PAX7: variants seen among roughly 807,000 people sequenced by gnomAD.
PAX7 encodes the protein paired box protein Pax-7.
Under a neutral mutation model 50.7 loss-of-function variants are expected in PAX7, and 18 were observed. The ratio of observed to expected loss-of-function variants is 0.36; its 90% CI spans 0.25 to 0.53. The LOEUF (loss-of-function observed/expected upper bound fraction) is 0.53. Among genes scored for constraint, PAX7 ranks in the 20% least tolerant of loss-of-function variants. PAX7 has a pLI of 0.93. For missense variants in PAX7, 644 were observed against 702.9 expected (o/e 0.92, Z 0.95); for synonymous variants, 310 against 290.4 (o/e 1.07, Z -0.69).
chr1:18,631,624 G>T lies in PAX7; in HGVS notation c.21G>T (p.Thr7=), dbSNP rs144835222. 153 of 1,612,696 alleles carry T rather than the reference G, an allele frequency of 9.5e-5. No individual in the cohort carries two copies. The highest frequency in any genetic ancestry group is 7.4e-4 in the South Asian group (67 of 90,656). ...CAAGAATGGCGGCCCTTCCCGGCAC[G>T]GTACCGAGAATGATGCGGCCGGCTC... is the stretch of plus-strand genomic sequence containing the variant. MAALPG[T]VPRMMRPAPG... Residue 7 remains threonine (T), a synonymous_variant, in exon 1 of 9, where the codon ACG becomes ACT. Coordinates refer to ENST00000420770, the MANE Select transcript of PAX7 (RefSeq NM_001135254.2).
chr1:18,731,714 G>A (rs1233329578), intron 7 of PAX7, among the ~76,000 whole-genome samples: 1 of 152,096 alleles, frequency 6.6e-6, no homozygotes, highest in Non-Finnish European at 1.5e-5. Flanking sequence ...CAGGGGCTCT[G>A]GGAGAGAGTA....
At chr1:18,714,460 G>T (rs932601286) in intron 7 of PAX7, among the ~76,000 whole-genome samples, 1 of 151,984 alleles carries the variant, frequency 6.6e-6, no homozygotes, top group Non-Finnish European at 1.5e-5. Context: ...GCTTCTCCTC[G>T]CCCTGAACAG....
intron 7 of PAX7, among the ~76,000 whole-genome samples, chr1:18,711,265 G>A (rs2089347926): frequency 6.6e-6 from 1 of 152,136 alleles, no homozygotes; most frequent in Non-Finnish European, 1.5e-5. Context: ...CGGAAAACAG[G>A]GGTAATCATT....
intron 4 of PAX7, among the ~76,000 whole-genome samples, chr1:18,684,698 C>T (rs747040550): frequency 2.1e-4 from 32 of 152,234 alleles, no homozygotes; most frequent in Non-Finnish European, 4.0e-4. Context: ...CAGCTCTGCC[C>T]GAATTACTTG....
At chr1:18,707,027 T>A (rs1326058446) in intron 7 of PAX7, among the ~76,000 whole-genome samples, 1 of 152,244 alleles carries the variant, frequency 6.6e-6, no homozygotes, top group Non-Finnish European at 1.5e-5. Flanking sequence ...AAAAGCCATT[T>A]ACTCATCTCA....
intron 4 of PAX7, among the ~76,000 whole-genome samples, chr1:18,691,363 G>A (rs2089067163): frequency 6.6e-6 from 1 of 152,164 alleles, no homozygotes; most frequent in Admixed American, 6.5e-5. Flanking sequence ...CAGCTCTACG[G>A]ATTTTGTCAA....
intron 7 of PAX7, among the ~76,000 whole-genome samples, chr1:18,705,104 C>T (rs1349029708): frequency 6.6e-6 from 1 of 152,198 alleles, no homozygotes; most frequent in Admixed American, 6.5e-5. Context: ...ACCTTGTCAG[C>T]CCCTGCACTA....
intron 4 of PAX7, among the ~76,000 whole-genome samples, chr1:18,667,436 A>AAGGAAGGG (rs2088686290): frequency 2.6e-5 from 4 of 151,304 alleles, no homozygotes; most frequent in Admixed American, 1.3e-4. Flanking sequence ...GGAAGGAAGG[A>AAGGAAGGG]AGGAAGGAAG....
At chr1:18,743,620 G>A (rs2100419755) in intron 8 of PAX7, among the ~76,000 whole-genome samples, 1 of 152,376 alleles carries the variant, frequency 6.6e-6, no homozygotes, top group South Asian at 2.1e-4. Flanking sequence ...AGCTTGGGAG[G>A]CAGCATCTCT....
At chr1:18,696,170 A>G (rs2089147846) in intron 5 of PAX7, among the ~76,000 whole-genome samples, 1 of 150,158 alleles carries the variant, frequency 6.7e-6, no homozygotes, top group African/African-American at 2.5e-5. Flanking sequence ...GTTTCAAACG[A>G]TTCTCCTGCC....
chr1:18,729,863 A>G (rs1046525263), intron 7 of PAX7, among the ~76,000 whole-genome samples: 1 of 152,152 alleles, frequency 6.6e-6, no homozygotes, highest in East Asian at 1.9e-4. Flanking sequence ...TGGGGACAGA[A>G]CAGTTCTAAG....
At position 18,748,241 on chromosome 1, in the gene PAX7, G is replaced by A. The variant is rs1931527915; in HGVS notation, c.*3312G>A. 4.4e-6 allele frequency: 1 copy of A among 226,718 alleles called. No homozygotes were observed. Among genetic ancestry groups the A allele is most frequent in the African/African-American group, 2.2e-5 (1 of 44,948 alleles). The allele number at this position is 226,718 out of a possible 1,614,324, so 14.0% of individuals were successfully genotyped here. A position where few individuals can be genotyped will look rare whatever the true frequency, so the allele number is the denominator to read the frequency against. Reference sequence around the variant, plus strand: ...AGAGTTTGACCACTGCCAGAATCCAGTGTTTCAAGATGGAGTTGGTGAAGC... The same window carrying A: ...AGAGTTTGACCACTGCCAGAATCCAATGTTTCAAGATGGAGTTGGTGAAGC... On this transcript the variant is annotated 3_prime_UTR_variant, in exon 9 of 9. Coordinates refer to ENST00000420770, the MANE Select transcript of PAX7 (RefSeq NM_001135254.2).
At chr1:18,680,739 C>A (rs2088887458) in intron 4 of PAX7, among the ~76,000 whole-genome samples, 3 of 152,196 alleles carry the variant, frequency 2.0e-5, no homozygotes, top group African/African-American at 7.2e-5. Flanking sequence ...CTCTGCCCAG[C>A]ACAATCGTTG....
intron 1 of PAX7, among the ~76,000 whole-genome samples, chr1:18,633,466 G>A (rs924669661): frequency 1.3e-5 from 2 of 152,224 alleles, no homozygotes; most frequent in African/African-American, 2.4e-5. Context: ...CCCACCCGGG[G>A]GGACTGTGTC....
At chr1:18,670,093 A>AAG (rs1300305517) in intron 4 of PAX7, among the ~76,000 whole-genome samples, 1 of 151,366 alleles carries the variant, frequency 6.6e-6, no homozygotes, top group African/African-American at 2.4e-5. Flanking sequence ...AAAAAAAAAA[A>AAG]AAAAAAAAAG....
At position 18,643,104 on chromosome 1, in the gene PAX7, G is replaced by A. The variant is rs373581429; in HGVS notation, c.586+6733G>A. Among the ~76,000 whole-genome samples the A allele has an allele frequency of 1.4e-4, 21 of 152,318 alleles. 1 individual carries two copies. The East Asian group carries it at 4.1e-3, about 29-fold the overall frequency. The stretch of plus-strand genomic sequence containing the variant: ...GGAGGGGTGAAGGGAAGTTGTGTGC[G>A]CCCCAAGTCCAGCTCAAAAGAGGCC... On this transcript the variant is annotated intron_variant, in intron 4 of 8. Transcript: ENST00000420770.
intron 4 of PAX7, among the ~76,000 whole-genome samples, chr1:18,637,837 G>A (rs1437867304): frequency 1.3e-5 from 2 of 152,254 alleles, no homozygotes; most frequent in Non-Finnish European, 2.9e-5. Context: ...AAGGGCGAGG[G>A]AAGAAAGGGA....
chr1:18,633,667 A>G (rs2088096228), intron 1 of PAX7, among the ~76,000 whole-genome samples: 1 of 152,248 alleles, frequency 6.6e-6, no homozygotes, highest in Non-Finnish European at 1.5e-5. Context: ...TGGAGGCAGC[A>G]GCCAACAGCA....
rs1259498879 is a variant in PAX7 at position 18,636,070 on chromosome 1, G to C, written c.452-167G>C. On this transcript the variant is annotated intron_variant, in intron 3 of 8. Coordinates refer to ENST00000420770, the MANE Select transcript of PAX7 (RefSeq NM_001135254.2). The surrounding 1 kb of genome is among the most constrained non-coding windows in gnomAD (Gnocchi z 5.1). ...AGTCAGGCTTCTCCAAGTGGATGCTGGTTATGGAGTACGTGTCAATGCCTA... is the reference window on the plus strand; with the variant it reads ...AGTCAGGCTTCTCCAAGTGGATGCTCGTTATGGAGTACGTGTCAATGCCTA... 6.6e-6 allele frequency among the ~76,000 whole-genome samples: 1 copy of C among 152,172 alleles called. No individual in the cohort carries two copies. Among genetic ancestry groups the C allele is most frequent in the African/African-American group, 2.4e-5 (1 of 41,434 alleles).
Sources: gnomAD v4.1 joint callset for allele counts (sites outside exome capture counted in the v4.1 genomes callset) on GRCh38, gnomAD v4.1.1 for gene constraint, Gnocchi (gnomAD v3.1) non-coding constraint, MANE v1.5 for transcripts, NCBI Gene and HGNC (gene_info 2026-07-23, HGNC 2026-07-21) for gene names.